The following HIRA variants were observed in gnomAD, a reference collection of about 807,000 sequenced individuals.
The protein encoded by HIRA is protein HIRA.
HIRA carries 13 observed loss-of-function variants against 126.6 expected under a neutral mutation model. The observed-to-expected ratio is 0.10, with a 90% CI of 0.07 to 0.16. HIRA has a LOEUF of 0.16. Among genes scored for constraint, HIRA ranks in the 10% least tolerant of loss-of-function variants. The pLI is 1.00. For synonymous variants in HIRA, 511 were observed against 520.0 expected (o/e 0.98, Z 0.24); for missense variants, 834 against 1,314.4 (o/e 0.63, Z 5.65).
intron 7 of HIRA, 31 bp downstream of exon 7, chr22:19,396,756 G>C: frequency 1.2e-6 from 2 of 1,609,126 alleles, no homozygotes; most frequent in Non-Finnish European, 1.7e-6. Flanking sequence ...GCAGCTGCGG[G>C]GGCTCAGCTC....
intron 1 of HIRA, among the ~76,000 whole-genome samples, chr22:19,428,513 A>C (rs2089505700): frequency 6.6e-6 from 1 of 152,190 alleles, no homozygotes; most frequent in Non-Finnish European, 1.5e-5. Context: ...GAAAATGAAG[A>C]CCAAAGTACA....
intron 1 of HIRA, among the ~76,000 whole-genome samples, chr22:19,429,791 G>A (rs2089517001): frequency 6.6e-6 from 1 of 152,178 alleles, no homozygotes. Context: ...AAGAGAGGCT[G>A]GAGAAGGGTA....
chr22:19,398,134 C>T (rs1363907567), intron 5 of HIRA, 47 bp from the exon 6 acceptor site: 2 of 1,452,394 alleles, frequency 1.4e-6, no homozygotes, highest in Non-Finnish European at 1.9e-6. Flanking sequence ...CCTGGTGATG[C>T]CCTTGTCTAT....
Position 19,387,800 on chromosome 22 carries a change from C to T in HIRA, c.1024G>A (p.Gly342Ser). 1 of 1,612,856 alleles carries T rather than the reference C, an allele frequency of 6.2e-7. No individual in the cohort carries two copies. Among genetic ancestry groups the T allele is most frequent in the Middle Eastern group, 1.7e-4 (1 of 6,060 alleles). Residue 342 changes from glycine (G) to serine (S), a missense_variant, in exon 11 of 25, where the codon GGC (glycine) becomes AGC (serine). Around this residue, in one of 5 missense-constraint regions of HIRA, gnomAD observed 153 missense variants for 270.6 expected, o/e 0.57. Transcript: ENST00000263208. ...CCGTCCATAGAGCATACCAAGATGC[C>T]CAGCCCATTCAGAGTCCTGAAAGAC... ...MDISWTLNGL[G>S]ILVCSMDGSV...
At chr22:19,420,462 C>CAAAAAAAAA (rs760003741) in intron 1 of HIRA, among the ~76,000 whole-genome samples, 3 of 63,570 alleles carry the variant, frequency 4.7e-5, no homozygotes, top group African/African-American at 1.2e-4. Flanking sequence ...AAAACTGTCT[C>CAAAAAAAAA]AAAAAAAAAA....
intron 11 of HIRA, 32 bp from the exon 12 acceptor site, chr22:19,385,768 G>A (rs748987552): frequency 2.5e-6 from 4 of 1,591,436 alleles, no homozygotes; most frequent in Admixed American, 3.5e-5. Flanking sequence ...TGACATGCCA[G>A]CATGAGTGCC....
intron 15 of HIRA, among the ~76,000 whole-genome samples, chr22:19,368,705 A>G (rs1375290755): frequency 6.6e-6 from 1 of 152,240 alleles, no homozygotes; most frequent in Non-Finnish European, 1.5e-5. Flanking sequence ...AAAAAAAGTC[A>G]GACTTTTATG....
At chr22:19,348,791 G>C (rs1490069277) in intron 24 of HIRA, among the ~76,000 whole-genome samples, 1 of 151,676 alleles carries the variant, frequency 6.6e-6, no homozygotes, top group Non-Finnish European at 1.5e-5. Flanking sequence ...CACCACGCTT[G>C]GCCTTTTTAT....
intron 15 of HIRA, among the ~76,000 whole-genome samples, chr22:19,363,442 A>G (rs1295602947): frequency 8.5e-5 from 13 of 152,148 alleles, no homozygotes; most frequent in Admixed American, 8.5e-4. Flanking sequence ...CCCCATCTCT[A>G]AGAACAAAAA....
intron 24 of HIRA, among the ~76,000 whole-genome samples, chr22:19,332,502 C>T (rs2088501839): frequency 6.6e-6 from 1 of 151,922 alleles, no homozygotes; most frequent in Admixed American, 6.6e-5. Flanking sequence ...TGGTCCTTTA[C>T]AGAAAAGTTT....
chr22:19,371,064 A>G (rs1050259380), intron 15 of HIRA, among the ~76,000 whole-genome samples: 4 of 152,244 alleles, frequency 2.6e-5, no homozygotes, highest in African/African-American at 9.6e-5. Context: ...CCACAAAGCA[A>G]ACATGAGTGT....
intron 13 of HIRA, among the ~76,000 whole-genome samples, chr22:19,382,324 C>T (rs1246091394): frequency 6.6e-6 from 1 of 152,178 alleles, no homozygotes; most frequent in Non-Finnish European, 1.5e-5. Flanking sequence ...ACCATCACCA[C>T]CACCACCTCC....
chr22:19,375,646 G>A lies in HIRA; in HGVS notation c.1760C>T (p.Pro587Leu), dbSNP rs569402595. The A allele has an allele frequency of 2.2e-5, 36 of 1,614,138 alleles. No individual in the cohort carries two copies. Among genetic ancestry groups the A allele is most frequent in the South Asian group, 4.4e-5 (4 of 91,088 alleles). Residue 587 changes from proline to leucine, a missense_variant, in exon 15 of 25, where the codon CCG (proline) becomes CTG (leucine). Around this residue, in one of 5 missense-constraint regions of HIRA, gnomAD observed 468 missense variants for 574.2 expected, o/e 0.82. Transcript: ENST00000263208. ...TACCACCTACCTTTCCACAGCTGTC[G>A]GAGTCATGCTGGTCAGGGCAGGAGC... ...PGAPALTSMT[P>L]TAVERLKEQN...
At chr22:19,348,161 C>T (rs758941570) in intron 24 of HIRA, among the ~76,000 whole-genome samples, 4 of 152,164 alleles carry the variant, frequency 2.6e-5, no homozygotes, top group Non-Finnish European at 5.9e-5. Flanking sequence ...TCATGGAGTC[C>T]CTACAGTGCT....
At position 19,387,741 on chromosome 22, in the gene HIRA, C is replaced by T; in HGVS notation, c.1083G>A (p.Glu361=). The T allele has an allele frequency of 6.2e-7, 1 of 1,613,984 alleles. No individual in the cohort carries two copies. Among genetic ancestry groups the T allele is most frequent in the Non-Finnish European group, 8.5e-7 (1 of 1,179,972 alleles). Residue 361 remains glutamate, a synonymous_variant, in exon 11 of 25, where the codon GAG becomes GAA. Transcript: ENST00000263208. ...SVAFLDFSQD[E]LGDPLSEEEK... ...CCTCCTCGCTCAGGGGATCGCCAAG[C>T]TCATCCTGGGAGAAGTCGAGGAATG... is the stretch of plus-strand genomic sequence containing the variant.
At chr22:19,382,040 TTTTGA>T (rs1490262582) in intron 13 of HIRA, among the ~76,000 whole-genome samples, 2 of 152,254 alleles carry the variant, frequency 1.3e-5, no homozygotes, top group Non-Finnish European at 2.9e-5. Flanking sequence ...TCTCTCATCT[TTTTGA>T]TTTGTCTATT....
chr22:19,355,726 TC>T (rs1238228961), intron 21 of HIRA, 33 bp downstream of exon 21: 1 of 1,475,040 alleles, frequency 6.8e-7, no homozygotes, highest in Non-Finnish European at 9.5e-7. Flanking sequence ...CAGACACTCT[TC>T]CAGGGAATAG....
At chr22:19,426,656 C>A in intron 1 of HIRA, among the ~76,000 whole-genome samples, 1 of 152,294 alleles carries the variant, frequency 6.6e-6, no homozygotes, top group Non-Finnish European at 1.5e-5. Context: ...AGAGAGAGAG[C>A]CTTATTTACC....
At chr22:19,348,911 G>A (rs570311468) in intron 24 of HIRA, among the ~76,000 whole-genome samples, 15 of 146,732 alleles carry the variant, frequency 1.0e-4, no homozygotes, top group East Asian at 2.1e-4. Context: ...TCAGCCTCCC[G>A]AGTAGCTGGG....
Sources: allele counts gnomAD v4.1 joint callset (sites outside exome capture counted in the v4.1 genomes callset), GRCh38; gene constraint gnomAD v4.1.1; regional missense constraint gnomAD v4.1.1; transcripts MANE v1.5; gene names NCBI Gene and HGNC (gene_info 2026-07-23, HGNC 2026-07-21).